The following MREG variants were observed in gnomAD, a reference collection of about 807,000 sequenced individuals.
MREG encodes the protein dilute suppressor protein homolog.
MREG carries 31 observed loss-of-function variants against 28.5 expected under a neutral mutation model. The observed-to-expected ratio is 1.09, with a 90% CI of 0.82 to 1.47. The LOEUF (loss-of-function observed/expected upper bound fraction) is 1.47. Among genes scored for constraint, MREG ranks in the 40% most tolerant of loss-of-function variants. MREG has a pLI of 0.00. For missense variants in MREG, 256 were observed against 257.4 expected, an observed-to-expected ratio of 0.99 and a Z score of 0.04; for synonymous variants, 106 against 95.2, an observed-to-expected ratio of 1.11 and a Z score of -0.66.
chr2:215,972,935 T>C (rs1693144031), intron 2 of MREG, among the ~76,000 whole-genome samples: 1 of 152,158 alleles, frequency 6.6e-6, no homozygotes, highest in Non-Finnish European at 1.5e-5. Context: ...ATACCTGCTT[T>C]TTAACAATTC....
intron 2 of MREG, among the ~76,000 whole-genome samples, chr2:215,983,434 T>G (rs902395058): frequency 6.6e-6 from 1 of 152,174 alleles, no homozygotes; most frequent in Non-Finnish European, 1.5e-5. Context: ...CTTTTTGTAT[T>G]AGGGATATGA....
chr2:215,965,167 G>A (rs995070418), intron 2 of MREG, among the ~76,000 whole-genome samples: 2 of 152,154 alleles, frequency 1.3e-5, no homozygotes, highest in South Asian at 2.1e-4. Context: ...TATTTTAAAA[G>A]GTATTTGCTA....
intron 2 of MREG, among the ~76,000 whole-genome samples, chr2:215,950,257 T>G (rs966143680): frequency 6.6e-6 from 1 of 152,260 alleles, no homozygotes; most frequent in Non-Finnish European, 1.5e-5. Context: ...ATCTCTGTTT[T>G]TCAGAGACTC....
At chr2:215,954,983 G>A (rs1368599439) in intron 2 of MREG, among the ~76,000 whole-genome samples, 1 of 152,122 alleles carries the variant, frequency 6.6e-6, no homozygotes, top group Non-Finnish European at 1.5e-5. Context: ...GATTACAGGC[G>A]TGAGCCACCT....
intron 2 of MREG, among the ~76,000 whole-genome samples, chr2:215,966,395 T>C (rs1692939892): frequency 6.6e-6 from 1 of 152,150 alleles, no homozygotes; most frequent in Admixed American, 6.6e-5. Context: ...ATTACCTATA[T>C]TCTTTTTTTA....
intron 2 of MREG, among the ~76,000 whole-genome samples, chr2:215,965,837 A>G (rs1425499698): frequency 6.6e-6 from 1 of 152,152 alleles, no homozygotes; most frequent in Non-Finnish European, 1.5e-5. Context: ...TGATCCCAGG[A>G]AAAAAGGAAT....
At chr2:215,998,421 A>ATTCTT (rs1693930742) in intron 1 of MREG, among the ~76,000 whole-genome samples, 1 of 152,178 alleles carries the variant, frequency 6.6e-6, no homozygotes, top group African/African-American at 2.4e-5. Flanking sequence ...CAAGGCTAGC[A>ATTCTT]GGAGACCAGC....
intron 1 of MREG, among the ~76,000 whole-genome samples, chr2:216,020,872 C>T (rs1326119431): frequency 4.6e-5 from 7 of 152,258 alleles, no homozygotes; most frequent in Admixed American, 6.5e-5. Context: ...ACTCCCACTG[C>T]GTCCCTTAAA....
At chr2:215,981,285 C>T (rs918681180) in intron 2 of MREG, among the ~76,000 whole-genome samples, 6 of 152,008 alleles carry the variant, frequency 3.9e-5, no homozygotes, top group African/African-American at 9.7e-5. Context: ...GTGAGTAAAC[C>T]GAATGTGGCA....
intron 1 of MREG, among the ~76,000 whole-genome samples, chr2:216,000,962 T>C (rs1694000320): frequency 6.6e-6 from 1 of 152,184 alleles, no homozygotes; most frequent in Admixed American, 6.5e-5. Flanking sequence ...CCCTGGCCAA[T>C]TCCCAACCCT....
chr2:215,943,446 C>G lies in MREG; in HGVS notation c.*1417G>C, dbSNP rs550009001. 63 of 456,704 alleles carry G rather than the reference C, an allele frequency of 1.4e-4. No individual in the cohort carries two copies. The highest frequency in any genetic ancestry group is 9.8e-4 in the South Asian group (63 of 64,560). 28.3% of individuals were successfully genotyped at this position (456,704 alleles called of 1,614,324 possible). A position where few individuals can be genotyped will look rare whatever the true frequency, so the allele number is the denominator to read the frequency against. On this transcript the variant is annotated 3_prime_UTR_variant, in exon 5 of 5. Transcript: ENST00000263268. The stretch of plus-strand genomic sequence containing the variant: ...GTGCAAGTCTGCATGAGAGGTCCCC[C>G]CACAGGTGCAGCTGCCAGCCAACGA...
chr2:215,996,200 T>A, intron 2 of MREG, 106 bp downstream of exon 2: 1 of 1,220,072 alleles, frequency 8.2e-7, no homozygotes, highest in Non-Finnish European at 1.1e-6. Context: ...ATTTCAAACA[T>A]TTCATCCTTC....
chr2:215,975,210 T>C (rs757974082), intron 2 of MREG, among the ~76,000 whole-genome samples: 12 of 152,058 alleles, frequency 7.9e-5, no homozygotes, highest in Non-Finnish European at 1.5e-4. Context: ...CATTTAGCAA[T>C]AGATCATAAC....
chr2:215,980,827 G>C (rs888341920), intron 2 of MREG, among the ~76,000 whole-genome samples: 38 of 149,190 alleles, frequency 2.5e-4, no homozygotes, highest in Non-Finnish European at 4.3e-4. Context: ...AAGAAGAAAA[G>C]GGAAGAGAAG....
chr2:215,966,479 A>C (rs973290223), intron 2 of MREG, among the ~76,000 whole-genome samples: 3 of 152,206 alleles, frequency 2.0e-5, no homozygotes, highest in African/African-American at 7.2e-5. Context: ...GTCCCCACAA[A>C]CAAACCTGGT....
intron 1 of MREG, among the ~76,000 whole-genome samples, chr2:216,008,920 C>T (rs569339126): frequency 1.3e-5 from 2 of 152,272 alleles, no homozygotes; most frequent in South Asian, 4.2e-4. Context: ...CAGTCTCTGC[C>T]CCAAGCGGCG....
chr2:215,984,491 C>T (rs1480390453), intron 2 of MREG, among the ~76,000 whole-genome samples: 1 of 126,348 alleles, frequency 7.9e-6, no homozygotes, highest in Non-Finnish European at 1.6e-5. Context: ...GTACTGAAGC[C>T]TGGGCAACAG....
intron 1 of MREG, among the ~76,000 whole-genome samples, chr2:216,020,847 C>T (rs1313906322): frequency 6.6e-6 from 1 of 152,202 alleles, no homozygotes; most frequent in Non-Finnish European, 1.5e-5. Context: ...GAGCTCTCTG[C>T]AAGAGGAACG....
chr2:216,032,345 A>G (rs574219725), intron 1 of MREG, among the ~76,000 whole-genome samples: 1 of 152,378 alleles, frequency 6.6e-6, no homozygotes, highest in East Asian at 1.9e-4. Flanking sequence ...GTTTTTTTCC[A>G]AATTTACCAA....
Sources: allele counts gnomAD v4.1 joint callset (sites outside exome capture counted in the v4.1 genomes callset), GRCh38; gene constraint gnomAD v4.1.1; transcripts MANE v1.5; gene names NCBI Gene and HGNC (gene_info 2026-07-23, HGNC 2026-07-21).